PHACTR1: variants seen among roughly 807,000 people sequenced by gnomAD.
The protein encoded by PHACTR1 is RPEL repeat containing 1.
In PHACTR1, 16 loss-of-function variants were observed where a neutral mutation model predicts 69.2. The observed-to-expected ratio is 0.23, with a 90% CI of 0.16 to 0.35. PHACTR1 has a LOEUF of 0.35. Ranked by LOEUF, PHACTR1 falls within the 10% of genes least tolerant of loss-of-function variation. The probability of loss-of-function intolerance (pLI) is 1.00; values close to 1 mark genes in which losing one functional copy is unlikely to be tolerated. For missense variants in PHACTR1, 510 were observed against 734.7 expected, an observed-to-expected ratio of 0.69 and a Z score of 3.54; for synonymous variants, 312 against 284.5, an observed-to-expected ratio of 1.10 and a Z score of -0.97.
intron 4 of PHACTR1, among the ~76,000 whole-genome samples, chr6:13,017,488 G>A (rs983557278): frequency 6.6e-6 from 1 of 152,124 alleles, no homozygotes; most frequent in African/African-American, 2.4e-5. Flanking sequence ...TGGGGATAGA[G>A]GGAGAGTAAT....
At chr6:12,869,354 G>T (rs548171090) in intron 4 of PHACTR1, among the ~76,000 whole-genome samples, 3 of 152,092 alleles carry the variant, frequency 2.0e-5, no homozygotes, top group Non-Finnish European at 4.4e-5. Flanking sequence ...CTACCTAAGA[G>T]TCCAGCCCTA....
intron 6 of PHACTR1, among the ~76,000 whole-genome samples, chr6:13,170,424 G>C (rs977377410): frequency 2.6e-5 from 4 of 152,116 alleles, no homozygotes; most frequent in Non-Finnish European, 5.9e-5. Context: ...AGGGTACGTG[G>C]GGCATAGTGG....
chr6:12,797,037 G>GTT (rs1561891210), intron 4 of PHACTR1, among the ~76,000 whole-genome samples: 1 of 134,240 alleles, frequency 7.4e-6, no homozygotes, highest in Non-Finnish European at 1.6e-5. Context: ...GTGTGTGTGT[G>GTT]TGTGAGAGAG....
intron 5 of PHACTR1, among the ~76,000 whole-genome samples, chr6:13,159,159 C>T (rs779339201): frequency 9.8e-5 from 15 of 152,302 alleles, no homozygotes; most frequent in East Asian, 1.9e-4. Flanking sequence ...CCTCCAGCCC[C>T]GCTGCCACCT....
intron 3 of PHACTR1, among the ~76,000 whole-genome samples, chr6:12,743,747 C>T (rs1023530566): frequency 1.6e-4 from 25 of 152,120 alleles, no homozygotes; most frequent in African/African-American, 5.1e-4. Flanking sequence ...GACAGATCAA[C>T]GAGACAGAAA....
At chr6:12,989,674 C>A (rs746908767) in intron 4 of PHACTR1, among the ~76,000 whole-genome samples, 3 of 152,108 alleles carry the variant, frequency 2.0e-5, no homozygotes, top group Non-Finnish European at 2.9e-5. Context: ...AAGGTGGGAG[C>A]CAGGGGGCCA....
chr6:12,816,467 G>A (rs1775602174), intron 4 of PHACTR1, among the ~76,000 whole-genome samples: 1 of 152,152 alleles, frequency 6.6e-6, no homozygotes, highest in Non-Finnish European at 1.5e-5. Flanking sequence ...GCTCCCTAGG[G>A]GAAGAATCAT....
chr6:12,759,118 A>T lies in PHACTR1; in HGVS notation c.250+9328A>T, dbSNP rs12202879. 7.6e-3 allele frequency among the ~76,000 whole-genome samples: 937 copies of T among 122,604 alleles called. 10 individuals carry two copies. Among genetic ancestry groups the T allele is most frequent in the African/African-American group, 0.028 (887 of 31,306 alleles). 80.4% of individuals were successfully genotyped at this position (122,604 alleles called of 152,430 possible). On this transcript the variant is annotated intron_variant, in intron 4 of 14. Coordinates refer to ENST00000332995, the MANE Select transcript of PHACTR1 (RefSeq NM_030948.6). ...CAGCTGGGTGAAGAAGCAAGACTCC[A>T]CCTCAAAAAAAAAAAAAAAAAAAAA...
At chr6:12,914,147 A>G (rs1275130703) in intron 4 of PHACTR1, among the ~76,000 whole-genome samples, 1 of 151,922 alleles carries the variant, frequency 6.6e-6, no homozygotes, top group Non-Finnish European at 1.5e-5. Flanking sequence ...TTACAAGCAC[A>G]TGCCACCATG....
At chr6:13,148,179 G>T (rs75232772) in intron 5 of PHACTR1, among the ~76,000 whole-genome samples, 4 of 139,278 alleles carry the variant, frequency 2.9e-5, no homozygotes, top group Non-Finnish European at 4.5e-5. Context: ...TGTGTTTACT[G>T]GTTTTTTTTT....
chr6:13,195,484 C>T (rs1764236909), intron 7 of PHACTR1, among the ~76,000 whole-genome samples: 3 of 151,930 alleles, frequency 2.0e-5, no homozygotes, highest in Admixed American at 1.3e-4. Flanking sequence ...TGGCCTGGCG[C>T]GGTGGCTCAT....
chr6:12,947,318 C>T (rs1261907788), intron 4 of PHACTR1, among the ~76,000 whole-genome samples: 1 of 150,166 alleles, frequency 6.7e-6, no homozygotes, highest in East Asian at 1.9e-4. Context: ...CCAAGTATAA[C>T]CTGAAGAAAC....
In PHACTR1 at chr6:13,003,413, T is replaced by C. The variant is rs1159625882; in HGVS notation, c.251-49952T>C. Among the ~76,000 whole-genome samples, 3 of 152,174 alleles carry C rather than the reference T, an allele frequency of 2.0e-5. No homozygotes were observed. The East Asian group carries it at 5.8e-4, about 29-fold the overall frequency. On this transcript the variant is annotated intron_variant, in intron 4 of 14. Transcript: ENST00000332995. ...TAAAAATAAATTACAAGATTTGAGA[T>C]AGAGTATTTGTTTCAGTACTTTAAA...
intron 4 of PHACTR1, among the ~76,000 whole-genome samples, chr6:12,796,013 C>G (rs1772953404): frequency 1.3e-5 from 2 of 151,916 alleles, no homozygotes; most frequent in South Asian, 2.1e-4. Context: ...CTTTAGAACC[C>G]AAAGATTTTA....
intron 4 of PHACTR1, among the ~76,000 whole-genome samples, chr6:12,913,075 C>T (rs536688119): frequency 3.3e-5 from 5 of 152,226 alleles, no homozygotes; most frequent in Non-Finnish European, 5.9e-5. Flanking sequence ...CATACTTTAG[C>T]AATATCCGAT....
At chr6:13,102,271 T>A (rs979176539) in intron 5 of PHACTR1, among the ~76,000 whole-genome samples, 5 of 152,174 alleles carry the variant, frequency 3.3e-5, no homozygotes, top group African/African-American at 1.2e-4. Flanking sequence ...AGACTAATCA[T>A]CAGAATTCAA....
intron 4 of PHACTR1, among the ~76,000 whole-genome samples, chr6:12,874,302 A>G (rs187751113): frequency 1.2e-4 from 18 of 152,308 alleles, no homozygotes; most frequent in Admixed American, 2.6e-4. Context: ...CCTCCAGAAT[A>G]GCAATCCAGT....
chr6:12,725,316 C>A (rs878964960), intron 3 of PHACTR1, among the ~76,000 whole-genome samples: 1 of 152,168 alleles, frequency 6.6e-6, no homozygotes, highest in African/African-American at 2.4e-5. Flanking sequence ...TGGTAGCACT[C>A]CATTAGTTCA....
intron 4 of PHACTR1, among the ~76,000 whole-genome samples, chr6:12,907,527 T>C (rs1785878868): frequency 6.6e-6 from 1 of 152,242 alleles, no homozygotes; most frequent in African/African-American, 2.4e-5. Flanking sequence ...TGATCTAAGG[T>C]TGGTCCTCAG....
Sources: gnomAD v4.1 joint callset for allele counts (sites outside exome capture counted in the v4.1 genomes callset) on GRCh38, gnomAD v4.1.1 for gene constraint, MANE v1.5 for transcripts, NCBI Gene and HGNC (gene_info 2026-07-23, HGNC 2026-07-21) for gene names.